The following ERO1B variants were observed in gnomAD, a reference collection of about 807,000 sequenced individuals.
The protein encoded by ERO1B is endoplasmic reticulum oxidoreductase 1 beta.
In ERO1B, 49 loss-of-function variants were observed where a neutral mutation model predicts 75.3. The ratio of observed to expected loss-of-function variants is 0.65; its 90% CI spans 0.52 to 0.83. The LOEUF (loss-of-function observed/expected upper bound fraction) is 0.83, where lower values mean the gene tolerates loss of function less well. ERO1B is among the 40% of genes least tolerant of loss of function. ERO1B has a pLI of 0.00. For synonymous variants in ERO1B, 191 were observed against 192.9 expected (o/e 0.99, Z 0.08); for missense variants, 512 against 560.1 (o/e 0.91, Z 0.87).
intron 10 of ERO1B, 95 bp downstream of exon 10, chr1:236,230,129 G>T: frequency 2.3e-6 from 2 of 888,294 alleles, no homozygotes; most frequent in Non-Finnish European, 3.5e-6. Context: ...AAAATTAGTT[G>T]ACTAGGTAAT....
chr1:236,245,167 TA>T (rs1218259451), intron 5 of ERO1B, among the ~76,000 whole-genome samples: 4 of 149,448 alleles, frequency 2.7e-5, no homozygotes, highest in African/African-American at 9.9e-5. Flanking sequence ...TTTATTTATT[TA>T]TTTTTTTGTA....
Position 236,252,041 on chromosome 1 carries a change from G to A in ERO1B, c.348+9C>T, listed in dbSNP as rs913601892. 6.3e-7 allele frequency: 1 copy of A among 1,582,926 alleles called. No homozygotes were observed. The highest frequency in any genetic ancestry group is 8.6e-7 in the Non-Finnish European group (1 of 1,158,188). Reference sequence around the variant, plus strand: ...AAGCAGAAACACTCAAGGAAGAGGAGGGACTTACCTTATTAGAATGCCCAG... The same window carrying A: ...AAGCAGAAACACTCAAGGAAGAGGAAGGACTTACCTTATTAGAATGCCCAG... On this transcript the variant is annotated intron_variant, in intron 4 of 15. Coordinates refer to ENST00000354619, the MANE Select transcript of ERO1B (RefSeq NM_019891.4).
At position 236,237,601 on chromosome 1, in the gene ERO1B, C is replaced by T. The variant is rs114166226; in HGVS notation, c.506-1203G>A. On this transcript the variant is annotated intron_variant, in intron 6 of 15. Transcript: ENST00000354619. Reference sequence around the variant, plus strand: ...ATGCTCAAGTGTTATATATGGCACACGTATATTCCTTTATTTATATGCTTA... The same window carrying T: ...ATGCTCAAGTGTTATATATGGCACATGTATATTCCTTTATTTATATGCTTA... Among the ~76,000 whole-genome samples, 1,152 of 152,174 alleles carry T rather than the reference C, an allele frequency of 7.6e-3. 9 individuals carry two copies. The highest frequency in any genetic ancestry group is 0.012 in the Non-Finnish European group (808 of 67,994).
intron 13 of ERO1B, among the ~76,000 whole-genome samples, 160 bp from the exon 14 acceptor site, chr1:236,222,170 T>C (rs1664164710): frequency 6.6e-6 from 1 of 152,180 alleles, no homozygotes; most frequent in African/African-American, 2.4e-5. Flanking sequence ...AGTGCAGTGG[T>C]GCCATCTCGG....
intron 2 of ERO1B, among the ~76,000 whole-genome samples, chr1:236,266,512 G>A (rs756698610): frequency 2.0e-5 from 3 of 151,822 alleles, no homozygotes; most frequent in Non-Finnish European, 4.4e-5. Context: ...GCTGAGGCAG[G>A]AGAATCACTT....
chr1:236,245,663 G>A (rs1302446707), intron 5 of ERO1B, among the ~76,000 whole-genome samples: 1 of 130,160 alleles, frequency 7.7e-6, no homozygotes, highest in Admixed American at 8.6e-5. Flanking sequence ...TTGGCTCACC[G>A]CAACCTCCAC....
chr1:236,251,958 T>A, intron 4 of ERO1B, 92 bp downstream of exon 4: 1 of 941,966 alleles, frequency 1.1e-6, no homozygotes, highest in Non-Finnish European at 1.6e-6. Flanking sequence ...CAACTAACCA[T>A]AATATGGTTC....
At chr1:236,236,519 C>A in intron 6 of ERO1B, 121 bp from the exon 7 acceptor site, 1 of 1,006,592 alleles carries the variant, frequency 9.9e-7, no homozygotes. Context: ...AAGTAATCTC[C>A]AACTTAAATG....
intron 4 of ERO1B, 58 bp downstream of exon 4, chr1:236,251,992 G>A: frequency 8.0e-7 from 1 of 1,256,776 alleles, no homozygotes; most frequent in Non-Finnish European, 1.1e-6. Flanking sequence ...CTGTCAGTCA[G>A]TAAATGGTAA....
At chr1:236,252,218 C>G (rs1665047008) in intron 3 of ERO1B, 127 bp from the exon 4 acceptor site, 4 of 642,392 alleles carry the variant, frequency 6.2e-6, no homozygotes, top group Non-Finnish European at 1.1e-5. Context: ...CAAATATACA[C>G]TCACTCAAAT....
rs920635005 is a variant in ERO1B at position 236,243,442 on chromosome 1, T to C, written c.485A>G (p.Asp162Gly). The change falls in exon 6 of 16, where the codon GAT becomes GGT. Residue 162 changes from aspartate to glycine, a missense_variant. Physicochemically the swap from Asp to Gly is moderately conservative, Grantham distance 94. Transcript: ENST00000354619. ...ATTACCATCAAGTTCACAAAAGTGA[T>C]CCCGTGAATCATCATATCTTGCCCA... ...IDWARYDDSR[D>G]HFCELDDERS... 1 of 1,603,706 alleles carries C rather than the reference T, an allele frequency of 6.2e-7. No homozygotes were observed. The highest frequency in any genetic ancestry group is 8.5e-7 in the Non-Finnish European group (1 of 1,174,280).
At chr1:236,277,110 A>G (rs1325739490) in intron 1 of ERO1B, among the ~76,000 whole-genome samples, 2 of 152,194 alleles carry the variant, frequency 1.3e-5, no homozygotes, top group African/African-American at 2.4e-5. Context: ...ACAGCAATAC[A>G]AGAATGGACT....
Position 236,250,631 on chromosome 1 carries a change from T to C in ERO1B, c.349-664A>G, listed in dbSNP as rs1367688260. Among the ~76,000 whole-genome samples, 3 of 119,308 alleles carry C rather than the reference T, an allele frequency of 2.5e-5. No individual in the cohort carries two copies. The East Asian group carries it at 7.2e-4, about 29-fold the overall frequency. 78.3% of individuals were successfully genotyped at this position (119,308 alleles called of 152,430 possible). On this transcript the variant is annotated intron_variant, in intron 4 of 15. Coordinates refer to ENST00000354619, the MANE Select transcript of ERO1B (RefSeq NM_019891.4). ...TATATATATATATCAAACGTGTGTG[T>C]GCAAACATATATATATATATGGTCA... is the stretch of plus-strand genomic sequence containing the variant.
chr1:236,233,441 A>G (rs1664464914), intron 8 of ERO1B, among the ~76,000 whole-genome samples: 1 of 150,612 alleles, frequency 6.6e-6, no homozygotes, highest in Admixed American at 6.6e-5. Flanking sequence ...TACTAAAAAT[A>G]CAAAAAATTA....
intron 12 of ERO1B, among the ~76,000 whole-genome samples, chr1:236,225,660 C>T (rs1048656869): frequency 1.3e-5 from 2 of 152,276 alleles, no homozygotes; most frequent in South Asian, 4.1e-4. Context: ...AGAGGCCAGG[C>T]GCGATGGCCC....
intron 2 of ERO1B, among the ~76,000 whole-genome samples, chr1:236,254,739 A>G (rs1339990732): frequency 1.3e-5 from 2 of 151,716 alleles, no homozygotes; most frequent in East Asian, 1.9e-4. Context: ...CAGCCCCCCA[A>G]GTAGCTGGGA....
intron 2 of ERO1B, among the ~76,000 whole-genome samples, chr1:236,255,097 T>C (rs1283066204): frequency 1.5e-5 from 2 of 136,140 alleles, no homozygotes; most frequent in Non-Finnish European, 3.2e-5. Flanking sequence ...ATTTTTTTTT[T>C]CTTTCTTTTT....
intron 10 of ERO1B, 90 bp downstream of exon 10, chr1:236,230,134 G>A: frequency 1.0e-6 from 1 of 960,028 alleles, no homozygotes; most frequent in Non-Finnish European, 1.6e-6. Flanking sequence ...TAGTTGACTA[G>A]GTAATAAAAT....
intron 1 of ERO1B, among the ~76,000 whole-genome samples, chr1:236,271,608 A>G (rs1455504369): frequency 2.0e-5 from 3 of 152,090 alleles, no homozygotes; most frequent in Non-Finnish European, 4.4e-5. Context: ...TAGGAAAAAA[A>G]TACAAACCAA....
Sources: gnomAD v4.1 joint callset for allele counts (sites outside exome capture counted in the v4.1 genomes callset) on GRCh38, gnomAD v4.1.1 for gene constraint, MANE v1.5 for transcripts, NCBI Gene and HGNC (gene_info 2026-07-23, HGNC 2026-07-21) for gene names.